The following DAB1 variants were observed in gnomAD, a reference collection of about 807,000 sequenced individuals.
DAB1 encodes disabled homolog 1.
DAB1 carries 15 observed loss-of-function variants against 64.6 expected under a neutral mutation model. That is an observed-to-expected ratio of 0.23 (90% CI 0.16 to 0.36). The LOEUF (loss-of-function observed/expected upper bound fraction) is 0.36. Among genes scored for constraint, DAB1 ranks in the 10% least tolerant of loss-of-function variants. The pLI is 1.00. For synonymous variants in DAB1, 235 were observed against 251.9 expected (o/e 0.93, Z 0.64); for missense variants, 596 against 706.7 (o/e 0.84, Z 1.78).
chr1:57,608,989 G>T (rs1203301475), intron 7 of DAB1, among the ~76,000 whole-genome samples: 1 of 152,134 alleles, frequency 6.6e-6, no homozygotes, highest in Non-Finnish European at 1.5e-5. Context: ...TCATAAAAAT[G>T]CAAGTTATAA....
intron 4 of DAB1, among the ~76,000 whole-genome samples, chr1:58,244,040 G>A (rs1382570948): frequency 2.0e-5 from 3 of 152,114 alleles, no homozygotes; most frequent in African/African-American, 7.2e-5. Flanking sequence ...GAAAGAAAAT[G>A]AGAACAGATG....
intron 7 of DAB1, among the ~76,000 whole-genome samples, chr1:57,579,912 G>A (rs1645292106): frequency 6.6e-6 from 1 of 152,156 alleles, no homozygotes; most frequent in African/African-American, 2.4e-5. Flanking sequence ...GGAAAACATA[G>A]CCTACCATGC....
chr1:57,715,161 G>T (rs1647070119), intron 6 of DAB1, among the ~76,000 whole-genome samples: 1 of 152,140 alleles, frequency 6.6e-6, no homozygotes, highest in South Asian at 2.1e-4. Flanking sequence ...CACATTAATA[G>T]AATCAAGGAC....
At chr1:58,149,689 C>T (rs1414135583) in intron 5 of DAB1, among the ~76,000 whole-genome samples, 1 of 152,164 alleles carries the variant, frequency 6.6e-6, no homozygotes, top group African/African-American at 2.4e-5. Context: ...TACGCACACA[C>T]ACCTTGCTAC....
intron 4 of DAB1, among the ~76,000 whole-genome samples, chr1:58,274,758 G>C (rs909860001): frequency 3.9e-5 from 6 of 152,162 alleles, no homozygotes; most frequent in African/African-American, 1.4e-4. Flanking sequence ...GGGTGGGAGT[G>C]ACCCGATTTT....
intron 2 of DAB1, among the ~76,000 whole-genome samples, chr1:58,523,379 T>C (rs1017880418): frequency 5.9e-5 from 9 of 152,188 alleles, no homozygotes; most frequent in African/African-American, 1.9e-4. Context: ...TCTTCAGTGG[T>C]GTAAACCTTA....
At chr1:57,888,855 A>G (rs1324488949), upstream of DAB1, among the ~76,000 whole-genome samples, 1 of 152,226 alleles carries the variant, frequency 6.6e-6, no homozygotes, top group Non-Finnish European at 1.5e-5. Context: ...TACTCTTTAA[A>G]AAGTAAATAA....
intron 14 of DAB1, among the ~76,000 whole-genome samples, chr1:57,003,915 C>T (rs1216970089): frequency 1.3e-5 from 2 of 152,202 alleles, no homozygotes; most frequent in African/African-American, 4.8e-5. Context: ...TCAGTCAACT[C>T]CCTATCTCAG....
downstream of DAB1, among the ~76,000 whole-genome samples, chr1:57,821,546 A>C (rs1185005611): frequency 1.3e-5 from 2 of 152,240 alleles, no homozygotes; most frequent in Non-Finnish European, 2.9e-5. Flanking sequence ...TTTGGGAGCC[A>C]TAGACAACCC....
intron 4 of DAB1, among the ~76,000 whole-genome samples, chr1:58,198,226 AAAC>A (rs1657799021): frequency 6.6e-6 from 1 of 152,248 alleles, no homozygotes. Flanking sequence ...CTTTTATAGC[AAAC>A]AACAATTGTT....
chr1:58,268,521 G>A (rs983807423), intron 4 of DAB1, among the ~76,000 whole-genome samples: 1 of 152,124 alleles, frequency 6.6e-6, no homozygotes, highest in Non-Finnish European at 1.5e-5. Context: ...CCTGGCATTT[G>A]TTTCTAAATA....
chr1:57,618,552 T>C (rs553997763), intron 7 of DAB1, among the ~76,000 whole-genome samples: 1 of 152,196 alleles, frequency 6.6e-6, no homozygotes, highest in African/African-American at 2.4e-5. Flanking sequence ...TGAGAAGTGA[T>C]TCCTAAACAG....
intron 7 of DAB1, among the ~76,000 whole-genome samples, chr1:57,432,061 G>T (rs1685537382): frequency 6.6e-6 from 1 of 151,206 alleles, no homozygotes; most frequent in African/African-American, 2.4e-5. Flanking sequence ...GGCGGAGGTT[G>T]CAGTGAGCTG....
At chr1:58,081,130 C>T (rs1237899481) in intron 5 of DAB1, among the ~76,000 whole-genome samples, 1 of 152,174 alleles carries the variant, frequency 6.6e-6, no homozygotes, top group East Asian at 1.9e-4. Flanking sequence ...CTAATTAAGA[C>T]AGCAGTATGG....
chr1:57,071,718 A>T (rs1253900512), intron 5 of DAB1, 77 bp from the exon 6 acceptor site: 1 of 1,379,504 alleles, frequency 7.2e-7, no homozygotes, highest in Non-Finnish European at 9.9e-7. Flanking sequence ...TTTTGCGGCG[A>T]CAACCCGCAG....
At chr1:57,744,917 A>G (rs1159537566) in intron 6 of DAB1, among the ~76,000 whole-genome samples, 1 of 152,144 alleles carries the variant, frequency 6.6e-6, no homozygotes, top group African/African-American at 2.4e-5. Context: ...AGGACAAAAA[A>G]CACAGTTTGG....
intron 4 of DAB1, among the ~76,000 whole-genome samples, chr1:58,150,891 G>A (rs1269922363): frequency 6.6e-6 from 1 of 151,740 alleles, no homozygotes. Flanking sequence ...CCCTTCCTGT[G>A]TCCAAGAGTT....
chr1:58,410,462 A>G (rs1277894489), intron 3 of DAB1, among the ~76,000 whole-genome samples: 1 of 152,190 alleles, frequency 6.6e-6, no homozygotes, highest in African/African-American at 2.4e-5. Context: ...AGGGAGCTGA[A>G]CCGATGACTT....
chr1:57,021,697 T>C (rs1646628543), intron 11 of DAB1, among the ~76,000 whole-genome samples: 1 of 152,214 alleles, frequency 6.6e-6, no homozygotes, highest in Non-Finnish European at 1.5e-5. Flanking sequence ...AATGGACTAA[T>C]ACACCCAGGC....
Sources: gnomAD v4.1 joint callset for allele counts (sites outside exome capture counted in the v4.1 genomes callset) on GRCh38, gnomAD v4.1.1 for gene constraint, MANE v1.5 for transcripts, NCBI Gene and HGNC (gene_info 2026-07-23, HGNC 2026-07-21) for gene names.